The following SIK3 variants were observed in gnomAD, a reference collection of about 807,000 sequenced individuals.
The protein encoded by SIK3 is SIK family kinase 3.
Under a neutral mutation model 144.2 loss-of-function variants are expected in SIK3, and 28 were observed. The ratio of observed to expected loss-of-function variants is 0.19; its 90% CI spans 0.14 to 0.27. SIK3 has a LOEUF of 0.27. SIK3 is among the 10% of genes least tolerant of loss of function. SIK3 has a pLI of 1.00. For synonymous variants in SIK3, 686 were observed against 676.3 expected, an observed-to-expected ratio of 1.01 and a Z score of -0.22; for missense variants, 1,319 against 1,776.0, an observed-to-expected ratio of 0.74 and a Z score of 4.62.
chr11:116,861,900 A>C lies in SIK3; in HGVS notation c.2256T>G (p.Ser752=), dbSNP rs979717700. 1 of 1,611,530 alleles carries C rather than the reference A, an allele frequency of 6.2e-7. No homozygotes were observed. Among genetic ancestry groups the C allele is most frequent in the Admixed American group, 1.7e-5 (1 of 59,682 alleles). Reference sequence around the variant, plus strand: ...TTTCACATGCAGCCTGAAGAGGTGGAGATGGCTGAGGAGGACAGATAGAGT... The same window carrying C: ...TTTCACATGCAGCCTGAAGAGGTGGCGATGGCTGAGGAGGACAGATAGAGT... The part of the protein sequence containing the change: ...IQDSICPPQP[S]PPLQAACENQ... The change falls in exon 18 of 25, where the codon TCT becomes TCG. Residue 752 remains serine (S), a synonymous_variant. Transcript: ENST00000445177.
chr11:116,922,126 A>G (rs1373230042), intron 4 of SIK3, among the ~76,000 whole-genome samples: 1 of 152,192 alleles, frequency 6.6e-6, no homozygotes, highest in Admixed American at 6.5e-5. Flanking sequence ...TCTATAACTA[A>G]TATCTATCTA....
intron 1 of SIK3, among the ~76,000 whole-genome samples, chr11:117,025,667 A>C (rs944581594): frequency 2.0e-5 from 3 of 152,066 alleles, no homozygotes; most frequent in African/African-American, 7.2e-5. Context: ...TAATCACTCA[A>C]GTGATCCACC....
At chr11:117,002,071 A>G (rs920901883) in intron 1 of SIK3, among the ~76,000 whole-genome samples, 2 of 152,206 alleles carry the variant, frequency 1.3e-5, no homozygotes, top group African/African-American at 4.8e-5. Context: ...AACCATTTGC[A>G]GTTCCCTGAA....
At chr11:117,039,386 A>G (rs1243194332) in intron 1 of SIK3, among the ~76,000 whole-genome samples, 1 of 152,202 alleles carries the variant, frequency 6.6e-6, no homozygotes, top group Non-Finnish European at 1.5e-5. Flanking sequence ...TAGTGCTGGG[A>G]TCACAGGCGT....
intron 6 of SIK3, among the ~76,000 whole-genome samples, chr11:116,883,980 G>A (rs377103082): frequency 6.6e-6 from 1 of 151,932 alleles, no homozygotes; most frequent in African/African-American, 2.4e-5. Flanking sequence ...TACAGTAAAT[G>A]TGCTAACCTA....
chr11:116,904,655 T>C (rs1027235524), intron 4 of SIK3: 1 of 152,254 alleles, frequency 6.6e-6, no homozygotes, highest in Middle Eastern at 3.2e-3. Flanking sequence ...AATATATTAC[T>C]TCATATTCTT....
intron 4 of SIK3, among the ~76,000 whole-genome samples, chr11:116,912,765 A>G (rs1167942748): frequency 2.6e-5 from 4 of 152,240 alleles, no homozygotes; most frequent in Admixed American, 1.3e-4. Context: ...AGGATTCACA[A>G]TCCCAATACT....
In SIK3 at chr11:116,844,840, T is replaced by C. The variant is rs1311728933; in HGVS notation, c.*803A>G. 6.6e-6 allele frequency: 1 copy of C among 151,284 alleles called. No homozygotes were observed. Among genetic ancestry groups the C allele is most frequent in the Non-Finnish European group, 1.5e-5 (1 of 67,906 alleles). 9.4% of individuals were successfully genotyped at this position (151,284 alleles called of 1,614,324 possible). A position where few individuals can be genotyped will look rare whatever the true frequency, so the allele number is the denominator to read the frequency against. On this transcript the variant is annotated 3_prime_UTR_variant, in exon 25 of 25. Transcript: ENST00000445177. Reference sequence around the variant, plus strand: ...CAGCAGGATGATAAAGGCAACCAACTTTCCAGGTTACAAGAGGGGAGCTGA... The same window carrying C: ...CAGCAGGATGATAAAGGCAACCAACCTTCCAGGTTACAAGAGGGGAGCTGA...
At chr11:116,968,108 T>C (rs963124671) in intron 1 of SIK3, among the ~76,000 whole-genome samples, 13 of 152,212 alleles carry the variant, frequency 8.5e-5, no homozygotes, top group Admixed American at 4.6e-4. Flanking sequence ...GGAAGTCTAA[T>C]AGTAAACATT....
In SIK3 at chr11:117,069,973, T is replaced by C. The variant is rs189493643; in HGVS notation, c.273+28170A>G. ...AAGTTATTACATTCTCCGCTTCCCA[T>C]TTTAGGTGAGTTACTTTTAACACTT... On this transcript the variant is annotated intron_variant, in intron 1 of 24. Coordinates refer to ENST00000445177, the MANE Select transcript of SIK3 (RefSeq NM_001366686.3). Among the ~76,000 whole-genome samples the C allele has an allele frequency of 2.2e-4, 34 of 152,360 alleles. No homozygotes were observed. In the East Asian group the frequency reaches 5.2e-3, roughly 23 times the overall value.
chr11:117,098,330 G>T lies in SIK3; in HGVS notation c.86C>A (p.Pro29Gln), dbSNP rs1955577948. 2.5e-5 allele frequency: 29 copies of T among 1,155,028 alleles called. No homozygotes were observed. Among genetic ancestry groups the T allele is most frequent in the Non-Finnish European group, 3.0e-5 (28 of 941,822 alleles). 71.5% of individuals were successfully genotyped at this position (1,155,028 alleles called of 1,614,324 possible). ...GGCGGCTGGGGACCCCGGCGCGGGC[G>T]GAGGCAGCAGGCGGCCCGCGGGCCC... ...GAGPAGRLLP[P>Q]PAPGSPAAPA... is the part of the protein sequence containing the mutation. Residue 29 changes from proline (P) to glutamine (Q), a missense_variant, in exon 1 of 25, where the codon CCG becomes CAG. Physicochemically the swap from Pro to Gln is moderately conservative, Grantham distance 76 (BLOSUM62 -1). Coordinates refer to ENST00000445177, the MANE Select transcript of SIK3 (RefSeq NM_001366686.3).
At chr11:116,962,037 T>C (rs1949366491) in intron 1 of SIK3, among the ~76,000 whole-genome samples, 1 of 152,228 alleles carries the variant, frequency 6.6e-6, no homozygotes, top group African/African-American at 2.4e-5. Flanking sequence ...AGCACAATAA[T>C]GTTCATAGTG....
intron 1 of SIK3, among the ~76,000 whole-genome samples, chr11:117,097,581 G>T (rs1010144578): frequency 1.3e-5 from 2 of 151,988 alleles, no homozygotes; most frequent in Admixed American, 6.6e-5. Flanking sequence ...AGTCTTAGAT[G>T]ATCAAATGCG....
intron 1 of SIK3, among the ~76,000 whole-genome samples, chr11:117,073,541 T>A (rs946241386): frequency 6.6e-6 from 1 of 152,214 alleles, no homozygotes; most frequent in Non-Finnish European, 1.5e-5. Context: ...CAATAGAAAT[T>A]AGGTAAAACA....
intron 4 of SIK3, 105 bp from the exon 5 acceptor site, chr11:116,897,422 T>A: frequency 9.6e-7 from 1 of 1,040,438 alleles, no homozygotes. Context: ...GTCTGAATAT[T>A]AAATGCAAAA....
At chr11:117,028,817 T>C (rs61905710) in intron 1 of SIK3, among the ~76,000 whole-genome samples, 1 of 152,132 alleles carries the variant, frequency 6.6e-6, no homozygotes, top group Non-Finnish European at 1.5e-5. Context: ...ACAGGCTTTA[T>C]TTTACAGGAG....
intron 1 of SIK3, among the ~76,000 whole-genome samples, chr11:117,011,612 G>C (rs1327968162): frequency 6.6e-6 from 1 of 152,136 alleles, no homozygotes; most frequent in South Asian, 2.1e-4. Context: ...TTAGTACTGA[G>C]AGAAGCTGTT....
At position 116,897,270 on chromosome 11, in the gene SIK3, A is replaced by T; in HGVS notation, c.664T>A (p.Trp222Arg). The change falls in exon 5 of 25, where the codon TGG becomes AGG. Residue 222 changes from tryptophan to arginine, a missense_variant. Physicochemically the swap from Trp to Arg is moderately radical, Grantham distance 101. Transcript: ENST00000445177. ...LFTPGQLLKTWCGSPPYAAPE... is the reference protein window; with the variant it reads ...LFTPGQLLKTRCGSPPYAAPE... ...GCAGCATAGGGAGGGCTGCCACACC[A>T]GGTCTTCAGCAGCTGCCCAGGAGTG... 6.2e-7 allele frequency: 1 copy of T among 1,614,022 alleles called. No individual in the cohort carries two copies. The highest frequency in any genetic ancestry group is 8.5e-7 in the Non-Finnish European group (1 of 1,179,872).
chr11:116,953,836 A>G (rs947394802), intron 3 of SIK3, among the ~76,000 whole-genome samples: 3 of 152,232 alleles, frequency 2.0e-5, no homozygotes, highest in African/African-American at 7.2e-5. Context: ...GAAATAAACA[A>G]AACACCTTTG....
Sources: allele counts gnomAD v4.1 joint callset (sites outside exome capture counted in the v4.1 genomes callset), GRCh38; gene constraint gnomAD v4.1.1; transcripts MANE v1.5; gene names NCBI Gene and HGNC (gene_info 2026-07-23, HGNC 2026-07-21).